Variants in CIMIP6 observed in about 807,000 individuals in gnomAD.
The protein encoded by CIMIP6 is ciliary microtubule inner protein 6.
chr2:54,342,710 C>T, the CIMIP6 span, among the ~76,000 whole-genome samples: 1 of 151,858 alleles, frequency 6.6e-6, no homozygotes, highest in Non-Finnish European at 1.5e-5. Context: ...ATTTATCCCC[C>T]TTGAATCATA....
the CIMIP6 span, chr2:54,343,696 T>A: frequency 6.5e-7 from 1 of 1,544,742 alleles, no homozygotes; most frequent in Non-Finnish European, 8.7e-7. Flanking sequence ...TCCAATATTG[T>A]GTTTCCAATT....
chr2:54,351,665 G>C, the CIMIP6 span, among the ~76,000 whole-genome samples: 1 of 152,010 alleles, frequency 6.6e-6, no homozygotes, highest in Non-Finnish European at 1.5e-5. Flanking sequence ...ATAACTAATG[G>C]GTACTAGGCT....
At chr2:54,355,486 G>A in the CIMIP6 span, among the ~76,000 whole-genome samples, 1 of 152,072 alleles carries the variant, frequency 6.6e-6, no homozygotes. Context: ...TATTCTGTGA[G>A]CTCTTTCAAT....
chr2:54,382,530 A>G, the CIMIP6 span, among the ~76,000 whole-genome samples: 2 of 151,682 alleles, frequency 1.3e-5, no homozygotes, highest in Non-Finnish European at 2.9e-5. Flanking sequence ...ATGCCCTTTT[A>G]TTTTTCCACT....
the CIMIP6 span, among the ~76,000 whole-genome samples, chr2:54,353,309 G>A: frequency 6.6e-6 from 1 of 152,250 alleles, no homozygotes; most frequent in South Asian, 2.1e-4. Context: ...TGGTCGTGGG[G>A]TGAGGCAAGG....
the CIMIP6 span, among the ~76,000 whole-genome samples, chr2:54,371,376 G>A: frequency 1.3e-5 from 2 of 152,182 alleles, no homozygotes; most frequent in African/African-American, 4.8e-5. Context: ...TCTTTAGGGG[G>A]AAGGCAGGCC....
the CIMIP6 span, among the ~76,000 whole-genome samples, chr2:54,368,903 T>C: frequency 6.6e-6 from 1 of 152,288 alleles, no homozygotes; most frequent in Non-Finnish European, 1.5e-5. Flanking sequence ...TATGCCTCTT[T>C]TATTTGCTGA....
At chr2:54,379,210 T>C in the CIMIP6 span, among the ~76,000 whole-genome samples, 3 of 152,238 alleles carry the variant, frequency 2.0e-5, no homozygotes, top group Non-Finnish European at 4.4e-5. Flanking sequence ...TTTATTGGCC[T>C]GATCCGCTGT....
chr2:54,380,351 G>A, the CIMIP6 span, among the ~76,000 whole-genome samples: 1 of 152,068 alleles, frequency 6.6e-6, no homozygotes, highest in African/African-American at 2.4e-5. Context: ...TACAAGCCTG[G>A]ATTCCAAAGC....
the CIMIP6 span, chr2:54,360,416 G>GA: frequency 2.2e-4 from 356 of 1,602,992 alleles, no homozygotes; most frequent in Non-Finnish European, 2.9e-4. Flanking sequence ...TCACTTATCA[G>GA]AAACAGACGT....
chr2:54,379,980 A>G, the CIMIP6 span, among the ~76,000 whole-genome samples: 3 of 91,602 alleles, frequency 3.3e-5, no homozygotes, highest in East Asian at 2.1e-3. Flanking sequence ...TCCTTCTAAA[A>G]AAAAAAAAAA....
At chr2:54,374,475 A>G in the CIMIP6 span, among the ~76,000 whole-genome samples, 84 of 152,286 alleles carry the variant, frequency 5.5e-4, no homozygotes, top group Non-Finnish European at 1.1e-3. Context: ...GGGAAAGGAG[A>G]ATTAGGATTT....
chr2:54,381,695 C>G, the CIMIP6 span: 39,315 of 1,103,680 alleles, frequency 0.036, 870 homozygotes, highest in Admixed American at 0.077. Context: ...CCTTCCTCAT[C>G]CTTTCACTCC....
At chr2:54,345,352 G>T in the CIMIP6 span, among the ~76,000 whole-genome samples, 2 of 152,172 alleles carry the variant, frequency 1.3e-5, no homozygotes, top group Non-Finnish European at 2.9e-5. Context: ...GAAGATAAGG[G>T]TGAGTTTAAC....
chr2:54,358,687 A>C, the CIMIP6 span, among the ~76,000 whole-genome samples: 1 of 152,328 alleles, frequency 6.6e-6, no homozygotes, highest in Non-Finnish European at 1.5e-5. Flanking sequence ...GGAATGAGCC[A>C]CCATGCCTGA....
the CIMIP6 span, among the ~76,000 whole-genome samples, chr2:54,379,492 G>T: frequency 4.8e-4 from 73 of 152,246 alleles, no homozygotes; most frequent in Middle Eastern, 0.014. Context: ...GGTGAGATCT[G>T]CATCTCCTAG....
the CIMIP6 span, among the ~76,000 whole-genome samples, chr2:54,344,163 T>G: frequency 6.6e-6 from 1 of 152,172 alleles, no homozygotes; most frequent in Non-Finnish European, 1.5e-5. Context: ...GCCACCACAT[T>G]TTAAGAGTTG....
chr2:54,345,747 A>T, the CIMIP6 span, among the ~76,000 whole-genome samples: 7 of 152,308 alleles, frequency 4.6e-5, no homozygotes, highest in African/African-American at 1.7e-4. Flanking sequence ...AAGTTTCCCT[A>T]CATAAAATGC....
chr2:54,376,194 C>A, the CIMIP6 span, among the ~76,000 whole-genome samples: 1 of 147,134 alleles, frequency 6.8e-6, no homozygotes, highest in African/African-American at 2.6e-5. Flanking sequence ...TGCCACCATG[C>A]CTGGCTGATT....
Sources: allele counts gnomAD v4.1 joint callset (sites outside exome capture counted in the v4.1 genomes callset), GRCh38; gene constraint gnomAD v4.1.1; transcripts MANE v1.5; gene names NCBI Gene and HGNC (gene_info 2026-07-23, HGNC 2026-07-21).